Variants in TMC1 observed in about 807,000 individuals in gnomAD.
TMC1 encodes the protein transmembrane channel-like protein 1.
TMC1 carries 84 observed loss-of-function variants against 105.8 expected under a neutral mutation model. The observed-to-expected ratio is 0.79, with a 90% CI of 0.67 to 0.95. The LOEUF is 0.95. Ranked by LOEUF, TMC1 falls within the 40% of genes least tolerant of loss-of-function variation. The probability of loss-of-function intolerance (pLI) is 0.00; values close to 1 mark genes in which losing one functional copy is unlikely to be tolerated. For missense variants in TMC1, 817 were observed against 914.1 expected, an observed-to-expected ratio of 0.89 and a Z score of 1.37; for synonymous variants, 315 against 311.5, an observed-to-expected ratio of 1.01 and a Z score of -0.12.
intron 8 of TMC1, among the ~76,000 whole-genome samples, chr9:72,734,598 C>T (rs1827267598): frequency 6.6e-6 from 1 of 151,858 alleles, no homozygotes; most frequent in Non-Finnish European, 1.5e-5. Flanking sequence ...AGCTTCTTAC[C>T]TCTGTAACTC....
chr9:72,577,243 T>C (rs1304397271), intron 1 of TMC1, among the ~76,000 whole-genome samples: 1 of 152,194 alleles, frequency 6.6e-6, no homozygotes, highest in Non-Finnish European at 1.5e-5. Flanking sequence ...GCTCATAACC[T>C]AGGGGAGTCA....
At chr9:72,830,832 A>G (rs1476861076) in intron 23 of TMC1, 150 bp downstream of exon 23, 3 of 692,948 alleles carry the variant, frequency 4.3e-6, no homozygotes, top group Non-Finnish European at 7.2e-6. Context: ...CCACCTTTTT[A>G]GCCCTTCTCA....
In TMC1 at chr9:72,740,138, A is replaced by C; in HGVS notation, c.382A>C (p.Ser128Arg). ...EVLKEAKKFV[S>R]ENEGALGKGK... ...TCTCAGGGAGGCAAAAAAATTTGTG[A>C]GTGAAAATGAAGGGGCTCTTGGGAA... is the stretch of plus-strand genomic sequence containing the variant. The change falls in exon 9 of 24, where the codon AGT (serine) becomes CGT (arginine). Residue 128 changes from serine (S) to arginine (R), a missense_variant. Ser to Arg is a moderately radical substitution (Grantham distance 110). Coordinates refer to ENST00000297784, the MANE Select transcript of TMC1 (RefSeq NM_138691.3). The C allele has an allele frequency of 6.2e-7, 1 of 1,613,648 alleles. No homozygotes were observed. Among genetic ancestry groups the C allele is most frequent in the Non-Finnish European group, 8.5e-7 (1 of 1,179,716 alleles).
intron 10 of TMC1, among the ~76,000 whole-genome samples, chr9:72,748,737 A>G (rs1172043267): frequency 6.6e-6 from 1 of 152,026 alleles, no homozygotes; most frequent in Non-Finnish European, 1.5e-5. Context: ...TTTTGTGTTG[A>G]GACAGGAAAA....
intron 1 of TMC1, among the ~76,000 whole-genome samples, chr9:72,574,834 A>G (rs1260368633): frequency 6.6e-6 from 1 of 152,146 alleles, no homozygotes; most frequent in African/African-American, 2.4e-5. Context: ...TGATCTCCCC[A>G]TCTTCACCCC....
At chr9:72,533,378 G>A (rs1250130723) in intron 1 of TMC1, among the ~76,000 whole-genome samples, 1 of 152,212 alleles carries the variant, frequency 6.6e-6, no homozygotes, top group African/African-American at 2.4e-5. Context: ...AAGGAAAAGA[G>A]GGTATGACCC....
chr9:72,766,136 G>A (rs1030148152), intron 12 of TMC1, among the ~76,000 whole-genome samples: 9 of 152,088 alleles, frequency 5.9e-5, no homozygotes, highest in Non-Finnish European at 7.4e-5. Context: ...AGCACATCTC[G>A]GCTGGGCGTG....
intron 17 of TMC1, among the ~76,000 whole-genome samples, chr9:72,805,079 C>T (rs1286102223): frequency 6.6e-6 from 1 of 152,204 alleles, no homozygotes; most frequent in Non-Finnish European, 1.5e-5. Flanking sequence ...CTATTCACCA[C>T]ATAAAATTTT....
At chr9:72,660,907 A>G (rs1007989031) in intron 5 of TMC1, among the ~76,000 whole-genome samples, 5 of 152,086 alleles carry the variant, frequency 3.3e-5, no homozygotes, top group African/African-American at 1.2e-4. Context: ...ACGAGAACGT[A>G]TGGGAGGCTG....
At chr9:72,759,496 T>C (rs1827721865) in intron 12 of TMC1, among the ~76,000 whole-genome samples, 1 of 152,184 alleles carries the variant, frequency 6.6e-6, no homozygotes, top group South Asian at 2.1e-4. Flanking sequence ...AAGGTAGATA[T>C]GACTATTCCT....
At chr9:72,545,137 TAC>T (rs61673540) in intron 1 of TMC1, among the ~76,000 whole-genome samples, 45,403 of 147,680 alleles carry the variant, frequency 0.31, 7,784 homozygotes, top group African/African-American at 0.46. Flanking sequence ...GATATATATA[TAC>T]ACACACACAC....
intron 10 of TMC1, among the ~76,000 whole-genome samples, chr9:72,743,025 C>G (rs913961323): frequency 6.6e-6 from 1 of 152,048 alleles, no homozygotes. Context: ...CACTTGAGGT[C>G]AGGAGTTCGA....
At chr9:72,524,427 A>G (rs1263999110) in intron 1 of TMC1, among the ~76,000 whole-genome samples, 1 of 152,214 alleles carries the variant, frequency 6.6e-6, no homozygotes, top group Admixed American at 6.5e-5. Context: ...ACCAATGTTT[A>G]TTAGATAAAT....
chr9:72,614,345 G>T (rs1825085605), intron 2 of TMC1, among the ~76,000 whole-genome samples: 1 of 152,210 alleles, frequency 6.6e-6, no homozygotes, highest in Middle Eastern at 3.4e-3. Context: ...AAGTTTAAAG[G>T]TCCATAAAGA....
At chr9:72,543,522 C>T (rs1477717837) in intron 1 of TMC1, among the ~76,000 whole-genome samples, 1 of 152,170 alleles carries the variant, frequency 6.6e-6, no homozygotes, top group Non-Finnish European at 1.5e-5. Context: ...GTGGCTCACG[C>T]CTGTAATCCC....
At position 72,743,712 on chromosome 9, in the gene TMC1, T is replaced by TAGGAAGGA. The variant is rs144187332; in HGVS notation, c.535+1208_535+1215dup. Among the ~76,000 whole-genome samples the TAGGAAGGA allele has an allele frequency of 5.9e-4, 89 of 151,476 alleles. No individual in the cohort carries two copies. In the Middle Eastern group the frequency reaches 0.01, roughly 17 times the overall value. Reference sequence around the variant, plus strand: ...GTGCCTTTATTTTGTAGAATATTCATAGGAAGGAAGGAAGGAAGGAAGGAA... The same window carrying TAGGAAGGA: ...GTGCCTTTATTTTGTAGAATATTCATAGGAAGGAAGGAAGGAAGGAAGGAAGGAAGGAA... On this transcript the variant is annotated intron_variant, in intron 10 of 23. Transcript: ENST00000297784.
At chr9:72,746,063 T>C (rs1827484015) in intron 10 of TMC1, among the ~76,000 whole-genome samples, 1 of 152,214 alleles carries the variant, frequency 6.6e-6, no homozygotes, top group South Asian at 2.1e-4. Flanking sequence ...GACTATATAA[T>C]TGCCTTCTCA....
intron 8 of TMC1, among the ~76,000 whole-genome samples, chr9:72,713,726 ATT>A (rs755708635): frequency 6.5e-5 from 9 of 137,488 alleles, no homozygotes; most frequent in East Asian, 2.2e-4. Flanking sequence ...GGATTCATTG[ATT>A]TTTTTTTTTT....
At chr9:72,623,147 G>GTTTTTTT (rs1162181237) in intron 3 of TMC1, among the ~76,000 whole-genome samples, 2 of 113,676 alleles carry the variant, frequency 1.8e-5, no homozygotes, top group African/African-American at 6.9e-5. Context: ...CTCTCTCCCT[G>GTTTTTTT]TTTTTTTTTT....
Sources: gnomAD v4.1 joint callset for allele counts (sites outside exome capture counted in the v4.1 genomes callset) on GRCh38, gnomAD v4.1.1 for gene constraint, MANE v1.5 for transcripts, NCBI Gene and HGNC (gene_info 2026-07-23, HGNC 2026-07-21) for gene names.